ST7L: variants seen among roughly 807,000 people sequenced by gnomAD.
ST7L encodes the protein suppression of tumorigenicity 7 like, also known as suppressor of tumorigenicity 7 protein-like.
Under a neutral mutation model 72.5 loss-of-function variants are expected in ST7L, and 57 were observed. The ratio of observed to expected loss-of-function variants is 0.79; its 90% confidence interval spans 0.64 to 0.98. The LOEUF is 0.98. Ranked by LOEUF, ST7L falls within the 50% of genes least tolerant of loss-of-function variation. The pLI is 0.00. For synonymous variants in ST7L, 221 were observed against 240.9 expected (o/e 0.92, Z 0.77); for missense variants, 576 against 672.2 (o/e 0.86, Z 1.58).
At chr1:112,619,560 A>G (rs2101122507), upstream of ST7L, 1 of 534,000 alleles carries the variant, frequency 1.9e-6, no homozygotes, top group East Asian at 3.1e-5. Context: ...GAAGCCAAGA[A>G]TAATCGAAAC....
chr1:112,589,124 C>G (rs1168093964), intron 6 of ST7L, among the ~76,000 whole-genome samples: 2 of 152,110 alleles, frequency 1.3e-5, no homozygotes, highest in East Asian at 3.9e-4. Context: ...TACTGATATT[C>G]TGTAATGGTG....
intron 3 of ST7L, among the ~76,000 whole-genome samples, chr1:112,605,397 A>C (rs965992202): frequency 3.3e-5 from 5 of 151,126 alleles, no homozygotes; most frequent in Non-Finnish European, 7.4e-5. Flanking sequence ...CGTCTCAACA[A>C]CAACAAAAAG....
chr1:112,586,892 C>G (rs949852178), intron 6 of ST7L, among the ~76,000 whole-genome samples: 1 of 152,174 alleles, frequency 6.6e-6, no homozygotes, highest in Non-Finnish European at 1.5e-5. Flanking sequence ...TCATCATCCC[C>G]ACAAGAAACT....
upstream of ST7L, chr1:112,619,265 G>A: frequency 1.4e-6 from 1 of 711,446 alleles, no homozygotes; most frequent in Non-Finnish European, 2.3e-6. Flanking sequence ...AGGTGGAGGA[G>A]CGTGTCTCAA....
chr1:112,576,883 A>G (rs1663179837), intron 11 of ST7L, 103 bp downstream of exon 11: 1 of 805,890 alleles, frequency 1.2e-6, no homozygotes, highest in East Asian at 2.7e-5. Context: ...GCAGATTAAA[A>G]CAATTCTGCA....
intron 11 of ST7L, among the ~76,000 whole-genome samples, chr1:112,564,634 T>C (rs1046727442): frequency 6.6e-6 from 1 of 152,050 alleles, no homozygotes; most frequent in African/African-American, 2.4e-5. Flanking sequence ...CTGGCCAACA[T>C]GGTGAAACCC....
intron 9 of ST7L, among the ~76,000 whole-genome samples, chr1:112,581,419 G>A (rs1344510109): frequency 4.4e-5 from 6 of 135,704 alleles, no homozygotes; most frequent in African/African-American, 1.6e-4. Context: ...TTTTTTTTGA[G>A]ACAGGGTCTC....
intron 14 of ST7L, among the ~76,000 whole-genome samples, chr1:112,538,266 T>C (rs1453154182): frequency 6.6e-6 from 1 of 152,220 alleles, no homozygotes; most frequent in Non-Finnish European, 1.5e-5. Flanking sequence ...TTCTACAAGG[T>C]AGTTTGCCAG....
At chr1:112,532,830 C>T (rs977552161) in intron 14 of ST7L, among the ~76,000 whole-genome samples, 3 of 152,148 alleles carry the variant, frequency 2.0e-5, no homozygotes, top group African/African-American at 7.2e-5. Flanking sequence ...CCAATTAAAA[C>T]CCAATATTTT....
intron 5 of ST7L, 113 bp from the exon 6 acceptor site, chr1:112,591,716 A>T (rs41306191): frequency 0.02 from 12,770 of 625,860 alleles, 257 homozygotes; most frequent in African/African-American, 0.074. Flanking sequence ...TCTTAAACAT[A>T]CAAAACAAGA....
intron 11 of ST7L, among the ~76,000 whole-genome samples, chr1:112,564,930 C>G (rs1355620731): frequency 1.3e-5 from 2 of 151,528 alleles, no homozygotes; most frequent in Non-Finnish European, 2.9e-5. Flanking sequence ...TTCTATGTAT[C>G]AATTTATTTT....
intron 14 of ST7L, among the ~76,000 whole-genome samples, chr1:112,535,218 CAA>C (rs2101265298): frequency 6.6e-6 from 1 of 151,978 alleles, no homozygotes; most frequent in South Asian, 2.1e-4. Context: ...ACCAAAAATA[CAA>C]AAATTAGCCA....
rs1285430246 is a variant in ST7L, at chr1:112,618,995, G to A, written c.119C>T (p.Thr40Ile). 1 of 1,612,186 alleles carries A rather than the reference G, an allele frequency of 6.2e-7. No individual in the cohort carries two copies. The change falls in exon 1 of 15, where the codon ACT becomes ATT. Residue 40 changes from threonine (T) to isoleucine (I), a missense_variant. Thr to Ile is a moderately conservative substitution (Grantham distance 89, BLOSUM62 -1). Transcript: ENST00000358039. ...CGCCACGAACCACAACGAGGCCCCA[G>A]TCCCCGCCAGCCCGGCCCGCAGTCG... Reference protein sequence around the residue: ...RERLRAGLAGTGASLWFVAGL... With the variant: ...RERLRAGLAGIGASLWFVAGL...
chr1:112,543,093 C>G (rs979678200), intron 13 of ST7L, among the ~76,000 whole-genome samples: 1 of 152,166 alleles, frequency 6.6e-6, no homozygotes, highest in African/African-American at 2.4e-5. Flanking sequence ...AGCCACCACA[C>G]CTGGCATTGA....
At chr1:112,520,487 C>G, downstream of ST7L, 3 of 1,614,148 alleles carry the variant, frequency 1.9e-6, no homozygotes, top group Non-Finnish European at 1.7e-6. Flanking sequence ...CCCAAGAAGG[C>G]AGAGTGGCTG....
chr1:112,567,055 C>T (rs1311235835), intron 11 of ST7L, among the ~76,000 whole-genome samples: 1 of 152,122 alleles, frequency 6.6e-6, no homozygotes, highest in African/African-American at 2.4e-5. Flanking sequence ...GTGGTTGTAC[C>T]ATTTTGTAAT....
intron 11 of ST7L, among the ~76,000 whole-genome samples, chr1:112,567,717 T>C (rs75248945): frequency 0.022 from 3,411 of 152,318 alleles, 56 homozygotes; most frequent in Middle Eastern, 0.041. Context: ...CATTTCCCCA[T>C]TGAATTGCAT....
At chr1:112,556,351 CAT>C (rs954256946) in intron 11 of ST7L, among the ~76,000 whole-genome samples, 1 of 152,070 alleles carries the variant, frequency 6.6e-6, no homozygotes, top group African/African-American at 2.4e-5. Context: ...AAAAATTACA[CAT>C]TTTTTATTTT....
At chr1:112,604,275 C>T (rs976573782) in intron 3 of ST7L, among the ~76,000 whole-genome samples, 1 of 152,230 alleles carries the variant, frequency 6.6e-6, no homozygotes, top group Middle Eastern at 3.4e-3. Flanking sequence ...TGCCACTATA[C>T]TTTAGCCTAG....
Sources: allele counts gnomAD v4.1 joint callset (sites outside exome capture counted in the v4.1 genomes callset), GRCh38; gene constraint gnomAD v4.1.1; transcripts MANE v1.5; gene names NCBI Gene and HGNC (gene_info 2026-07-23, HGNC 2026-07-21).